Variants in PACS2 observed in about 807,000 individuals in gnomAD.
PACS2 encodes PACS1-like protein.
PACS2 carries 36 observed loss-of-function variants against 113.0 expected under a neutral mutation model. The ratio of observed to expected loss-of-function variants is 0.32; its 90% CI spans 0.24 to 0.42. The LOEUF is 0.42. Ranked by LOEUF, PACS2 falls within the 10% of genes least tolerant of loss-of-function variation. The pLI, the probability that PACS2 is intolerant of heterozygous loss-of-function variation, is 1.00. For synonymous variants in PACS2, 589 were observed against 536.1 expected, an observed-to-expected ratio of 1.10 and a Z score of -1.36; for missense variants, 1,015 against 1,239.5, an observed-to-expected ratio of 0.82 and a Z score of 2.72.
chr14:105,314,790 G>A lies in PACS2; in HGVS notation c.-129G>A, dbSNP rs1378066455. ...GCGGGCCTGTCCGACGCCGGGGCCC[G>A]GCCCGTCCCCTCCGCCGCCCGGCAG... On this transcript the variant is annotated 5_prime_UTR_variant, in exon 1 of 25. Coordinates refer to ENST00000447393, the MANE Select transcript of PACS2 (RefSeq NM_001100913.3). 4.6e-6 allele frequency: 1 copy of A among 215,840 alleles called. No homozygotes were observed. Among genetic ancestry groups the A allele is most frequent in the Non-Finnish European group, 7.6e-6 (1 of 130,734 alleles). The allele number at this position is 215,840 out of a possible 1,614,324, so 13.4% of individuals were successfully genotyped here. A position where few individuals can be genotyped will look rare whatever the true frequency, so the allele number is the denominator to read the frequency against.
chr14:105,309,732 A>AGGT (rs1387460908), upstream of PACS2, among the ~76,000 whole-genome samples: 1 of 139,506 alleles, frequency 7.2e-6, no homozygotes, highest in East Asian at 2.5e-4. This position sits in a 1 kb window ranked among gnomAD's most constrained non-coding sequence, Gnocchi z 4.0. Context: ...GGTCTGTATT[A>AGGT]GGTCTAGATT....
chr14:105,304,559 C>T (rs587619235), intron 1 of PACS2, among the ~76,000 whole-genome samples: 16 of 152,272 alleles, frequency 1.1e-4, no homozygotes, highest in African/African-American at 1.4e-4. Flanking sequence ...GCCCAAGGTG[C>T]GTGCTGCCAG....
At chr14:105,304,792 GGA>G (rs753872852) in intron 1 of PACS2, among the ~76,000 whole-genome samples, 91 of 152,326 alleles carry the variant, frequency 6.0e-4, no homozygotes, top group African/African-American at 1.8e-3. Flanking sequence ...ATGGCAGCAG[GGA>G]GAGAGAGAGC....
intron 4 of PACS2, among the ~76,000 whole-genome samples, chr14:105,362,979 G>A (rs1367549246): frequency 6.6e-6 from 1 of 152,102 alleles, no homozygotes; most frequent in African/African-American, 2.4e-5. Context: ...TGGGTGACCA[G>A]GTCATGTCAA....
chr14:105,351,857 A>G (rs587614532), intron 2 of PACS2, among the ~76,000 whole-genome samples: 1 of 152,310 alleles, frequency 6.6e-6, no homozygotes, highest in Non-Finnish European at 1.5e-5. Flanking sequence ...TAAAAACAAA[A>G]AATAAAAAAA....
At chr14:105,339,605 A>G (rs1388821238) in intron 1 of PACS2, among the ~76,000 whole-genome samples, 1 of 150,318 alleles carries the variant, frequency 6.7e-6, no homozygotes, top group African/African-American at 2.4e-5. Context: ...CTGAAGGGAG[A>G]GGATCTCCTG....
chr14:105,311,726 G>A (rs587675879), upstream of PACS2, among the ~76,000 whole-genome samples: 84 of 152,258 alleles, frequency 5.5e-4, no homozygotes, highest in African/African-American at 2.0e-3. Context: ...CCACAGGTGC[G>A]GCTGCGGGTG....
chr14:105,397,518 C>A lies in PACS2; in HGVS notation c.*2846C>A, dbSNP rs370673614. 3.0e-4 allele frequency: 45 copies of A among 152,448 alleles called. No individual in the cohort carries two copies. The East Asian group carries it at 7.7e-3, about 26-fold the overall frequency. 9.4% of individuals were successfully genotyped at this position (152,448 alleles called of 1,614,324 possible). ...GCCTGGTGGCCACTGTCCACTATTA[C>A]GTAGACAGACCCCACCCTCACCCAG... On this transcript the variant is annotated 3_prime_UTR_variant, in exon 25 of 25. Transcript: ENST00000447393.
intron 3 of PACS2, among the ~76,000 whole-genome samples, chr14:105,353,313 G>T (rs1555404573): frequency 8.7e-6 from 1 of 114,520 alleles, no homozygotes; most frequent in South Asian, 3.0e-4. Flanking sequence ...GGGGTGATGG[G>T]CCCCCTCGTC....
At position 105,361,731 on chromosome 14, in the gene PACS2, C is replaced by T. The variant is rs1337092402; in HGVS notation, c.424-5482C>T. On this transcript the variant is annotated intron_variant, in intron 4 of 24. Transcript: ENST00000447393. Reference sequence around the variant, plus strand: ...TTGGGAGGCCAAGGCGGGCAGGTCACCTGAGGTCGGGAGCTCGAGACCAGC... The same window carrying T: ...TTGGGAGGCCAAGGCGGGCAGGTCATCTGAGGTCGGGAGCTCGAGACCAGC... Among the ~76,000 whole-genome samples the T allele has an allele frequency of 6.6e-5, 10 of 152,226 alleles. No individual in the cohort carries two copies. The South Asian group carries it at 1.0e-3, about 16-fold the overall frequency.
At chr14:105,389,686 T>C in intron 19 of PACS2, 1 of 517,836 alleles carries the variant, frequency 1.9e-6, no homozygotes, top group South Asian at 2.2e-5. Flanking sequence ...CTCTGGCCTG[T>C]CCTCCTGACC....
At chr14:105,318,570 C>G (rs376607123) in intron 1 of PACS2, among the ~76,000 whole-genome samples, 32 of 152,228 alleles carry the variant, frequency 2.1e-4, no homozygotes, top group African/African-American at 7.0e-4. Context: ...CTGCCTCAGC[C>G]TCCCAAGTAG....
At chr14:105,371,068 A>T (rs1055929723) in intron 8 of PACS2, 2 of 152,284 alleles carry the variant, frequency 1.3e-5, no homozygotes, top group African/African-American at 4.8e-5. Context: ...TGTCAGGTCC[A>T]TGTGCCGAAA....
At chr14:105,331,866 G>A (rs2059315066) in intron 1 of PACS2, among the ~76,000 whole-genome samples, 1 of 152,218 alleles carries the variant, frequency 6.6e-6, no homozygotes, top group South Asian at 2.1e-4. Context: ...CCTGAAGATG[G>A]CGTTTTTGTC....
rs782592280 is a variant in PACS2 at position 105,382,865 on chromosome 14, C to T, written c.1577C>T (p.Ala526Val). The change falls in exon 15 of 25, where the codon GCG becomes GTG. Residue 526 changes from alanine (A) to valine (V), a missense_variant. Ala to Val is a moderately conservative substitution (Grantham distance 64). Transcript: ENST00000447393. The stretch of plus-strand genomic sequence containing the variant: ...CCCGTGGTGTGCACGTGCTCTCCTG[C>T]GGACGTCCAGGCGGCCTTCAGCACC... ...TLPVVCTCSP[A>V]DVQAAFSTIV... 1.1e-5 allele frequency: 18 copies of T among 1,607,028 alleles called. No homozygotes were observed. The highest frequency in any genetic ancestry group is 2.7e-5 in the African/African-American group (2 of 74,900).
intron 1 of PACS2, among the ~76,000 whole-genome samples, chr14:105,335,911 T>G (rs2059499441): frequency 6.6e-6 from 1 of 152,206 alleles, no homozygotes; most frequent in Admixed American, 6.5e-5. Flanking sequence ...ACTCTCTCCA[T>G]GAGGACGGCG....
chr14:105,340,123 A>G lies in PACS2; in HGVS notation c.120-8370A>G, dbSNP rs969659164. On this transcript the variant is annotated intron_variant, in intron 1 of 24. Coordinates refer to ENST00000447393, the MANE Select transcript of PACS2 (RefSeq NM_001100913.3). This position sits in a 1 kb window ranked among gnomAD's most constrained non-coding sequence, Gnocchi z 4.2. ...AGATACAAATTTATTTAAATTAGCT[A>G]TGCTAGTTAAAACAATATGGAATTG... is the stretch of plus-strand genomic sequence containing the variant. Among the ~76,000 whole-genome samples the G allele has an allele frequency of 6.6e-6, 1 of 152,258 alleles. No individual in the cohort carries two copies. Among genetic ancestry groups the G allele is most frequent in the Non-Finnish European group, 1.5e-5 (1 of 68,050 alleles).
chr14:105,391,512 T>TAGCCC, intron 21 of PACS2, 119 bp from the exon 22 acceptor site: 5 of 611,308 alleles, frequency 8.2e-6, no homozygotes, highest in East Asian at 5.8e-5. Context: ...CACTGGGGAC[T>TAGCCC]CCCACCCTGC....
At chr14:105,380,500 C>T (rs1555411687) in intron 11 of PACS2, among the ~76,000 whole-genome samples, 1 of 150,752 alleles carries the variant, frequency 6.6e-6, no homozygotes, top group Non-Finnish European at 1.5e-5. Flanking sequence ...GCTGGACTCA[C>T]CCCACCCTCA....
Sources: allele counts gnomAD v4.1 joint callset (sites outside exome capture counted in the v4.1 genomes callset), GRCh38; gene constraint gnomAD v4.1.1; non-coding constraint Gnocchi (gnomAD v3.1); transcripts MANE v1.5; gene names NCBI Gene and HGNC (gene_info 2026-07-23, HGNC 2026-07-21).